Variants in EXOC6B observed in about 807,000 individuals in gnomAD.
EXOC6B encodes the protein exocyst complex component 6B, also known as SEC15 homolog B.
A neutral mutation model predicts 113.5 loss-of-function variants in EXOC6B; 54 were observed. That is an observed-to-expected ratio of 0.48 (90% CI 0.38 to 0.60). EXOC6B has a LOEUF of 0.60. EXOC6B is among the 20% of genes least tolerant of loss of function. The pLI is 0.00. For synonymous variants in EXOC6B, 357 were observed against 339.0 expected (o/e 1.05, Z -0.58); for missense variants, 797 against 977.5 (o/e 0.82, Z 2.46).
intron 8 of EXOC6B, among the ~76,000 whole-genome samples, chr2:72,534,974 T>G (rs1004631098): frequency 6.6e-6 from 1 of 152,198 alleles, no homozygotes; most frequent in African/African-American, 2.4e-5. Flanking sequence ...TAAGACTAAG[T>G]CACACTTCAG....
At chr2:72,755,843 G>A (rs925240937) in intron 1 of EXOC6B, among the ~76,000 whole-genome samples, 4 of 152,036 alleles carry the variant, frequency 2.6e-5, no homozygotes, top group Non-Finnish European at 5.9e-5. Flanking sequence ...GGTGACAGCA[G>A]TCCCTACGGG....
At chr2:72,640,676 A>G (rs1201002929) in intron 6 of EXOC6B, among the ~76,000 whole-genome samples, 2 of 152,206 alleles carry the variant, frequency 1.3e-5, no homozygotes, top group Non-Finnish European at 2.9e-5. Context: ...GAAACCATAT[A>G]AGCCAGAAGA....
Position 72,550,908 on chromosome 2 carries a change from ATTTTTTTTTTATTTT to A in EXOC6B, c.915+8530_915+8544del, listed in dbSNP as rs1199281260. On this transcript the variant is annotated intron_variant, in intron 8 of 21. Transcript: ENST00000272427. ...AACAATTACGAGATAACTGCCATTT[ATTTTTTTTTTATTTT>A]TTTTTTTTTTTTTGAGACGGAGTCT... Among the ~76,000 whole-genome samples, 23 of 141,314 alleles carry A rather than the reference ATTTTTTTTTTATTTT, an allele frequency of 1.6e-4. No individual in the cohort carries two copies. The East Asian group carries it at 4.9e-3, about 30-fold the overall frequency. 92.7% of individuals were successfully genotyped at this position (141,314 alleles called of 152,430 possible).
chr2:72,265,973 G>C (rs1360891189), intron 20 of EXOC6B, among the ~76,000 whole-genome samples: 1 of 151,988 alleles, frequency 6.6e-6, no homozygotes, highest in Non-Finnish European at 1.5e-5. Flanking sequence ...GTATCTCATT[G>C]TGGTTTTGAT....
At chr2:72,431,437 G>A (rs1283367159) in intron 18 of EXOC6B, among the ~76,000 whole-genome samples, 1 of 151,960 alleles carries the variant, frequency 6.6e-6, no homozygotes, top group African/African-American at 2.4e-5. Context: ...TCAGCCGCCT[G>A]GAGAGCTGGG....
intron 20 of EXOC6B, among the ~76,000 whole-genome samples, chr2:72,208,886 G>A (rs2104373356): frequency 6.6e-6 from 1 of 152,196 alleles, no homozygotes; most frequent in South Asian, 2.1e-4. Flanking sequence ...TGAATACATA[G>A]GCAAGGAGTT....
At chr2:72,451,582 T>C (rs1696919496) in intron 18 of EXOC6B, among the ~76,000 whole-genome samples, 1 of 152,002 alleles carries the variant, frequency 6.6e-6, no homozygotes, top group Admixed American at 6.6e-5. Context: ...ACAGAAACAC[T>C]TTAAAAAATA....
intron 20 of EXOC6B, among the ~76,000 whole-genome samples, chr2:72,218,143 A>G (rs959206975): frequency 1.3e-5 from 2 of 152,172 alleles, no homozygotes; most frequent in Admixed American, 6.5e-5. Flanking sequence ...CAGTCAGAGG[A>G]AAACAATTTA....
At chr2:72,470,064 C>CT (rs1435159522) in intron 17 of EXOC6B, among the ~76,000 whole-genome samples, 3 of 151,788 alleles carry the variant, frequency 2.0e-5, no homozygotes, top group Non-Finnish European at 4.4e-5. Flanking sequence ...TATTCGTGTT[C>CT]TTTTTTTAGT....
chr2:72,244,869 A>G (rs1682552421), intron 20 of EXOC6B, among the ~76,000 whole-genome samples: 1 of 152,196 alleles, frequency 6.6e-6, no homozygotes, highest in African/African-American at 2.4e-5. Flanking sequence ...ATTTGAAATT[A>G]AAAACATAAT....
At chr2:72,804,405 A>T (rs1685463075) in intron 1 of EXOC6B, among the ~76,000 whole-genome samples, 1 of 152,184 alleles carries the variant, frequency 6.6e-6, no homozygotes, top group African/African-American at 2.4e-5. Context: ...TTAGTAAATC[A>T]TTATTATAGT....
At chr2:72,255,383 C>T (rs1683293159) in intron 20 of EXOC6B, among the ~76,000 whole-genome samples, 1 of 152,132 alleles carries the variant, frequency 6.6e-6, no homozygotes, top group African/African-American at 2.4e-5. Flanking sequence ...TATATACTAC[C>T]CTTTAAGAAA....
chr2:72,468,604 A>G (rs559016392), intron 17 of EXOC6B, among the ~76,000 whole-genome samples: 1 of 152,310 alleles, frequency 6.6e-6, no homozygotes, highest in South Asian at 2.1e-4. Flanking sequence ...CTTTCTGCTC[A>G]AGATTGCTTT....
At chr2:72,257,854 C>T (rs1573106755) in intron 20 of EXOC6B, among the ~76,000 whole-genome samples, 1 of 152,116 alleles carries the variant, frequency 6.6e-6, no homozygotes, top group African/African-American at 2.4e-5. Flanking sequence ...TGGTCCCAGA[C>T]AGTTTTCTAG....
At chr2:72,436,533 A>G (rs2105317111) in intron 18 of EXOC6B, among the ~76,000 whole-genome samples, 1 of 152,268 alleles carries the variant, frequency 6.6e-6, no homozygotes, top group Admixed American at 6.5e-5. Flanking sequence ...TTTTAGGTAC[A>G]TCAATCAATC....
chr2:72,305,788 C>A (rs1346813496), intron 20 of EXOC6B, among the ~76,000 whole-genome samples: 1 of 152,050 alleles, frequency 6.6e-6, no homozygotes, highest in African/African-American at 2.4e-5. Flanking sequence ...TTATTATGCT[C>A]CAAAATTTTA....
chr2:72,594,774 A>G (rs1380366950), intron 6 of EXOC6B, among the ~76,000 whole-genome samples: 1 of 152,204 alleles, frequency 6.6e-6, no homozygotes, highest in African/African-American at 2.4e-5. Flanking sequence ...ACAGTAACAA[A>G]TGGTTAAAAT....
intron 8 of EXOC6B, among the ~76,000 whole-genome samples, chr2:72,551,720 T>C (rs1703240762): frequency 6.6e-6 from 1 of 151,082 alleles, no homozygotes; most frequent in East Asian, 1.9e-4. Flanking sequence ...ATGGTCTCGA[T>C]CTCCTGACCT....
intron 20 of EXOC6B, among the ~76,000 whole-genome samples, chr2:72,277,978 G>A (rs1309691354): frequency 1.3e-5 from 2 of 151,986 alleles, no homozygotes; most frequent in African/African-American, 4.8e-5. Flanking sequence ...ACCAGAAATT[G>A]TAAAAATTAA....
Sources: gnomAD v4.1 joint callset for allele counts (sites outside exome capture counted in the v4.1 genomes callset) on GRCh38, gnomAD v4.1.1 for gene constraint, MANE v1.5 for transcripts, NCBI Gene and HGNC (gene_info 2026-07-23, HGNC 2026-07-21) for gene names.